Variants in SEMA6D observed in about 807,000 individuals in gnomAD.
The protein encoded by SEMA6D is semaphorin 6D.
In SEMA6D, 35 loss-of-function variants were observed where a neutral mutation model predicts 106.6. The observed-to-expected ratio is 0.33, with a 90% CI of 0.25 to 0.44. SEMA6D has a LOEUF of 0.44. SEMA6D is among the 20% of genes least tolerant of loss of function. The probability of loss-of-function intolerance (pLI) is 1.00; values close to 1 mark genes in which losing one functional copy is unlikely to be tolerated. For synonymous variants in SEMA6D, 499 were observed against 487.7 expected (o/e 1.02, Z -0.31); for missense variants, 1,185 against 1,345.9 (o/e 0.88, Z 1.87).
At chr15:47,281,548 T>G (rs1223634714) in intron 1 of SEMA6D, among the ~76,000 whole-genome samples, 2 of 151,876 alleles carry the variant, frequency 1.3e-5, no homozygotes, top group Non-Finnish European at 2.9e-5. Flanking sequence ...AATATTGTTA[T>G]GTGTGAATTT....
At chr15:47,353,691 A>G (rs1567020376) in intron 1 of SEMA6D, among the ~76,000 whole-genome samples, 2 of 152,134 alleles carry the variant, frequency 1.3e-5, no homozygotes, top group Non-Finnish European at 2.9e-5. Context: ...GAATATATTA[A>G]TCTTATCTTT....
intron 3 of SEMA6D, among the ~76,000 whole-genome samples, chr15:47,529,581 T>A (rs143475346): frequency 7.0e-6 from 1 of 142,238 alleles, no homozygotes; most frequent in Non-Finnish European, 1.5e-5. Flanking sequence ...TTCTCCATTT[T>A]AGCTCTAAGT....
intron 1 of SEMA6D, among the ~76,000 whole-genome samples, chr15:47,298,012 G>A (rs140042365): frequency 7.2e-5 from 11 of 152,330 alleles, no homozygotes; most frequent in African/African-American, 2.4e-4. Context: ...CTTATAGCCT[G>A]CAGTAAGAGT....
At chr15:47,537,950 G>C (rs2045227282) in intron 3 of SEMA6D, among the ~76,000 whole-genome samples, 1 of 152,194 alleles carries the variant, frequency 6.6e-6, no homozygotes, top group African/African-American at 2.4e-5. Context: ...CAGGAGAACA[G>C]TTAGCATTGG....
intron 4 of SEMA6D, among the ~76,000 whole-genome samples, chr15:47,676,696 G>A (rs1303914698): frequency 4.6e-5 from 7 of 152,176 alleles, no homozygotes; most frequent in Non-Finnish European, 1.5e-5. Context: ...GCCAATGCAG[G>A]CTAGGGTACT....
At chr15:47,636,858 C>G (rs182723039) in intron 4 of SEMA6D, among the ~76,000 whole-genome samples, 1 of 152,176 alleles carries the variant, frequency 6.6e-6, no homozygotes, top group Non-Finnish European at 1.5e-5. Flanking sequence ...TCTTTCTGTT[C>G]TCTCCTTGTT....
intron 1 of SEMA6D, among the ~76,000 whole-genome samples, chr15:47,197,833 CTAAG>C (rs1894464469): frequency 1.3e-5 from 2 of 152,108 alleles, no homozygotes; most frequent in Admixed American, 1.3e-4. Context: ...ATGGAGTACT[CTAAG>C]TATTATTGTT....
chr15:47,258,191 C>A (rs2033904231), intron 1 of SEMA6D, among the ~76,000 whole-genome samples: 1 of 152,128 alleles, frequency 6.6e-6, no homozygotes, highest in South Asian at 2.1e-4. Flanking sequence ...TATAGTTATG[C>A]AATTTATTTA....
At chr15:47,298,104 C>G (rs1210178844) in intron 1 of SEMA6D, among the ~76,000 whole-genome samples, 3 of 152,146 alleles carry the variant, frequency 2.0e-5, no homozygotes, top group African/African-American at 7.2e-5. Context: ...TAAAAGGGAA[C>G]AGTTAATGAC....
At chr15:47,660,827 G>A (rs983545392) in intron 4 of SEMA6D, among the ~76,000 whole-genome samples, 6 of 152,060 alleles carry the variant, frequency 3.9e-5, no homozygotes, top group African/African-American at 1.4e-4. Flanking sequence ...GCATAAGGGA[G>A]CACGTTTTCA....
chr15:47,272,948 T>C (rs2034623945), intron 1 of SEMA6D: 1 of 152,206 alleles, frequency 6.6e-6, no homozygotes, highest in Admixed American at 6.6e-5. Context: ...ATTTGTCATC[T>C]AATTTCACCT....
chr15:47,195,756 C>G (rs1894298874), intron 1 of SEMA6D, among the ~76,000 whole-genome samples: 1 of 152,148 alleles, frequency 6.6e-6, no homozygotes, highest in African/African-American at 2.4e-5. Flanking sequence ...TGAGCACAGC[C>G]TTCTATTCTC....
intron 2 of SEMA6D, among the ~76,000 whole-genome samples, chr15:47,465,906 A>G (rs1481343831): frequency 1.3e-5 from 2 of 148,430 alleles, no homozygotes; most frequent in Non-Finnish European, 3.0e-5. Flanking sequence ...AATATTACCT[A>G]TTGGTTTCCT....
intron 3 of SEMA6D, among the ~76,000 whole-genome samples, chr15:47,505,095 G>C (rs2043997201): frequency 6.6e-6 from 1 of 152,120 alleles, no homozygotes; most frequent in African/African-American, 2.4e-5. Context: ...AGGAGTAAGA[G>C]AGGAGATCAG....
At chr15:47,711,166 C>T (rs900791730) in intron 4 of SEMA6D, among the ~76,000 whole-genome samples, 2 of 151,296 alleles carry the variant, frequency 1.3e-5, no homozygotes, top group African/African-American at 4.9e-5. Context: ...AAAAATTAGC[C>T]GGGCGTAGTG....
At chr15:47,224,173 AAT>A (rs1256907302) in intron 1 of SEMA6D, among the ~76,000 whole-genome samples, 2 of 151,668 alleles carry the variant, frequency 1.3e-5, no homozygotes, top group Admixed American at 6.6e-5. Context: ...AAGAAAAAAA[AAT>A]AATAAAATAA....
rs534111729 is a variant in SEMA6D at position 47,296,204 on chromosome 15, A to T, written c.-239+111786A>T. On this transcript the variant is annotated intron_variant, in intron 1 of 19. Transcript: ENST00000558014. ...TATGTGTAGGAATACTTGCTATCCAATGTAGGAGGTCACAACAGCTACAGA... is the reference window on the plus strand; with the variant it reads ...TATGTGTAGGAATACTTGCTATCCATTGTAGGAGGTCACAACAGCTACAGA... Among the ~76,000 whole-genome samples, 8 of 152,244 alleles carry T rather than the reference A, an allele frequency of 5.3e-5. No homozygotes were observed. In the East Asian group the frequency reaches 1.5e-3, roughly 29 times the overall value.
At chr15:47,310,228 A>C (rs868333367) in intron 1 of SEMA6D, among the ~76,000 whole-genome samples, 2 of 152,312 alleles carry the variant, frequency 1.3e-5, no homozygotes, top group Non-Finnish European at 2.9e-5. Flanking sequence ...TTAGCGATGA[A>C]AGGGCTGTAA....
intron 3 of SEMA6D, among the ~76,000 whole-genome samples, chr15:47,534,525 C>T (rs2045089700): frequency 6.6e-6 from 1 of 152,028 alleles, no homozygotes; most frequent in Non-Finnish European, 1.5e-5. Context: ...CTAATGCAGC[C>T]TAATAAAATA....
Sources: gnomAD v4.1 joint callset for allele counts (sites outside exome capture counted in the v4.1 genomes callset) on GRCh38, gnomAD v4.1.1 for gene constraint, MANE v1.5 for transcripts, NCBI Gene and HGNC (gene_info 2026-07-23, HGNC 2026-07-21) for gene names.